The following GNAQ variants were observed in gnomAD, a reference collection of about 807,000 sequenced individuals.
The protein encoded by GNAQ is guanine nucleotide-binding protein G(q) subunit alpha.
GNAQ carries 8 observed loss-of-function variants against 43.9 expected under a neutral mutation model. The ratio of observed to expected loss-of-function variants is 0.18; its 90% CI spans 0.11 to 0.33. GNAQ has a LOEUF of 0.33. Among genes scored for constraint, GNAQ ranks in the 10% least tolerant of loss-of-function variants. GNAQ has a pLI of 1.00. For synonymous variants in GNAQ, 155 were observed against 170.7 expected, an observed-to-expected ratio of 0.91 and a Z score of 0.71; for missense variants, 158 against 450.8, an observed-to-expected ratio of 0.35 and a Z score of 5.88.
intron 5 of GNAQ, among the ~76,000 whole-genome samples, chr9:77,774,984 C>T (rs1044988465): frequency 6.6e-6 from 1 of 152,150 alleles, no homozygotes; most frequent in Admixed American, 6.5e-5. Flanking sequence ...TATATGTATG[C>T]ACCTATAATA....
chr9:77,896,275 C>A (rs1364207470), intron 2 of GNAQ, among the ~76,000 whole-genome samples: 1 of 152,144 alleles, frequency 6.6e-6, no homozygotes, highest in Admixed American at 6.5e-5. Context: ...TTCTAGAACT[C>A]AGTTACTTTA....
At position 77,866,154 on chromosome 9, in the gene GNAQ, T is replaced by C. The variant is rs73453755; in HGVS notation, c.322-50384A>G. Among the ~76,000 whole-genome samples the C allele has an allele frequency of 7.4e-3, 1,123 of 152,214 alleles. 11 individuals are homozygous for C. The highest frequency in any genetic ancestry group is 0.022 in the African/African-American group (898 of 41,530). ...CTTCATAATATTTATCACTAGCTGG[T>C]AGAATAAAGTTGGGCAGTGATTTAA... On this transcript the variant is annotated intron_variant, in intron 2 of 6. Coordinates refer to ENST00000286548, the MANE Select transcript of GNAQ (RefSeq NM_002072.5).
chr9:77,735,309 C>G (rs1037481839), intron 5 of GNAQ, among the ~76,000 whole-genome samples: 2 of 152,136 alleles, frequency 1.3e-5, no homozygotes, highest in African/African-American at 2.4e-5. Flanking sequence ...TTTTAAAAAG[C>G]AAGACCAGTT....
intron 2 of GNAQ, among the ~76,000 whole-genome samples, chr9:77,885,924 T>C (rs1022228198): frequency 2.2e-4 from 34 of 152,336 alleles, no homozygotes; most frequent in Admixed American, 3.9e-4. Context: ...TGTAATATAA[T>C]TCAGTGATCT....
At chr9:77,861,462 G>A (rs771421000) in intron 2 of GNAQ, among the ~76,000 whole-genome samples, 4 of 152,100 alleles carry the variant, frequency 2.6e-5, no homozygotes, top group African/African-American at 4.8e-5. Context: ...ACAGTCCAAA[G>A]TCTCATCTGA....
chr9:78,007,291 T>C (rs1222719546), intron 1 of GNAQ, among the ~76,000 whole-genome samples: 1 of 152,124 alleles, frequency 6.6e-6, no homozygotes, highest in South Asian at 2.1e-4. Context: ...AAAAGCTTTT[T>C]TTTTTTTTGC....
intron 1 of GNAQ, among the ~76,000 whole-genome samples, chr9:77,977,738 G>A (rs554220183): frequency 6.6e-6 from 1 of 152,328 alleles, no homozygotes; most frequent in Non-Finnish European, 1.5e-5. Flanking sequence ...CACTTTGCAA[G>A]TCTGAAGAAG....
chr9:77,815,923 T>C (rs796388988), intron 2 of GNAQ, among the ~76,000 whole-genome samples, 153 bp from the exon 3 acceptor site: 7 of 152,316 alleles, frequency 4.6e-5, no homozygotes, highest in African/African-American at 1.7e-4. Context: ...ATATTTTTTG[T>C]TTTTCTTAGA....
chr9:77,935,585 C>T (rs933771031), intron 1 of GNAQ, among the ~76,000 whole-genome samples: 4 of 152,182 alleles, frequency 2.6e-5, no homozygotes, highest in African/African-American at 9.7e-5. Flanking sequence ...TATAATTACT[C>T]CAAAGCAGTC....
At chr9:77,835,399 G>C (rs76959877) in intron 2 of GNAQ, among the ~76,000 whole-genome samples, 1 of 151,992 alleles carries the variant, frequency 6.6e-6, no homozygotes, top group Admixed American at 6.6e-5. Flanking sequence ...TAACTCTTCA[G>C]ACTAGAAGGG....
intron 5 of GNAQ, among the ~76,000 whole-genome samples, chr9:77,735,633 C>T (rs1334251051): frequency 2.0e-5 from 3 of 152,194 alleles, no homozygotes; most frequent in African/African-American, 4.8e-5. Flanking sequence ...CTGATGTCAA[C>T]GCTTTGAGAA....
chr9:77,826,501 T>C (rs1827200460), intron 2 of GNAQ, among the ~76,000 whole-genome samples: 1 of 152,244 alleles, frequency 6.6e-6, no homozygotes, highest in East Asian at 1.9e-4. Flanking sequence ...CCTAGATGCT[T>C]GTGTTATGAG....
intron 5 of GNAQ, among the ~76,000 whole-genome samples, chr9:77,782,988 GGGAA>G (rs1226068403): frequency 1.3e-5 from 2 of 152,178 alleles, no homozygotes; most frequent in East Asian, 3.9e-4. Context: ...AAATGGCAGG[GGGAA>G]GGGAGAAATA....
Position 77,866,460 on chromosome 9 carries a change from AATT to A in GNAQ, c.322-50693_322-50691del, listed in dbSNP as rs1416050472. Among the ~76,000 whole-genome samples, 6 of 152,308 alleles carry A rather than the reference AATT, an allele frequency of 3.9e-5. No individual in the cohort carries two copies. The East Asian group carries it at 1.2e-3, about 29-fold the overall frequency. On this transcript the variant is annotated intron_variant, in intron 2 of 6. Coordinates refer to ENST00000286548, the MANE Select transcript of GNAQ (RefSeq NM_002072.5). ...CTCAAAAAATAAATAAATAATTAAA[AATT>A]AAAAATTAAAACTAAACCAAATCAT...
intron 1 of GNAQ, among the ~76,000 whole-genome samples, chr9:77,954,172 G>A (rs1486511530): frequency 1.3e-5 from 2 of 152,096 alleles, no homozygotes; most frequent in African/African-American, 2.4e-5. Context: ...ATGCCATCAC[G>A]TACACAGCAT....
At chr9:77,900,610 C>T (rs566063056) in intron 2 of GNAQ, among the ~76,000 whole-genome samples, 2 of 152,240 alleles carry the variant, frequency 1.3e-5, no homozygotes, top group East Asian at 1.9e-4. Context: ...CCAGGCTGGA[C>T]TCCAATTTCT....
In GNAQ at chr9:77,867,588, G is replaced by A. The variant is rs541390839; in HGVS notation, c.322-51818C>T. Among the ~76,000 whole-genome samples the A allele has an allele frequency of 1.6e-4, 25 of 152,292 alleles. 1 individual carries two copies. In the South Asian group the frequency reaches 4.4e-3, roughly 27 times the overall value. The stretch of plus-strand genomic sequence containing the variant: ...ATCTGAAACAAACTCCAAAGTGTGT[G>A]AATGAAGTAAAGTCAAGCAGAAGGA... On this transcript the variant is annotated intron_variant, in intron 2 of 6. Coordinates refer to ENST00000286548, the MANE Select transcript of GNAQ (RefSeq NM_002072.5).
intron 1 of GNAQ, among the ~76,000 whole-genome samples, chr9:77,985,735 C>A (rs369768769): frequency 1.8e-4 from 28 of 151,878 alleles, no homozygotes; most frequent in African/African-American, 6.5e-4. Flanking sequence ...TACAGGCATG[C>A]ACCACCACAC....
intron 2 of GNAQ, among the ~76,000 whole-genome samples, chr9:77,868,988 C>A (rs186027648): frequency 1.2e-3 from 178 of 151,560 alleles, no homozygotes; most frequent in Non-Finnish European, 2.0e-3. Context: ...CTCTGTCTTG[C>A]GGGGGAGGGG....
Sources: gnomAD v4.1 joint callset for allele counts (sites outside exome capture counted in the v4.1 genomes callset) on GRCh38, gnomAD v4.1.1 for gene constraint, MANE v1.5 for transcripts, NCBI Gene and HGNC (gene_info 2026-07-23, HGNC 2026-07-21) for gene names.